FSTL4: variants seen among roughly 807,000 people sequenced by gnomAD.
FSTL4 encodes the protein follistatin-related protein 4.
A neutral mutation model predicts 78.2 loss-of-function variants in FSTL4; 28 were observed. The ratio of observed to expected loss-of-function variants is 0.36; its 90% confidence interval spans 0.27 to 0.49. FSTL4 has a LOEUF of 0.49. Among genes scored for constraint, FSTL4 ranks in the 20% least tolerant of loss-of-function variants. The pLI, the probability that FSTL4 is intolerant of heterozygous loss-of-function variation, is 0.98. For missense variants in FSTL4, 922 were observed against 1,084.9 expected (o/e 0.85, Z 2.11); for synonymous variants, 422 against 440.5 (o/e 0.96, Z 0.53).
chr5:133,755,509 C>A, the FSTL4 span, among the ~76,000 whole-genome samples: 1 of 152,120 alleles, frequency 6.6e-6, no homozygotes, highest in African/African-American at 2.4e-5. Context: ...ACCCTCACAT[C>A]CTCTCCTCCC....
the FSTL4 span, among the ~76,000 whole-genome samples, chr5:133,742,049 G>A: frequency 1.2e-4 from 19 of 152,218 alleles, no homozygotes; most frequent in African/African-American, 3.9e-4. Flanking sequence ...AAATGCAAAC[G>A]TGGCATTTAG....
At chr5:133,521,356 C>A (rs1337441374) in intron 3 of FSTL4, among the ~76,000 whole-genome samples, 8 of 152,194 alleles carry the variant, frequency 5.3e-5, no homozygotes, top group Non-Finnish European at 1.0e-4. Context: ...TAATATGGAA[C>A]CAGTGATCAC....
chr5:133,199,224 C>T lies in FSTL4; in HGVS notation c.2400G>A (p.Leu800=). The T allele has an allele frequency of 1.9e-6, 3 of 1,613,570 alleles. No individual in the cohort carries two copies. Among genetic ancestry groups the T allele is most frequent in the Non-Finnish European group, 1.7e-6 (2 of 1,179,530 alleles). The change falls in exon 16 of 16, where the codon CTG becomes CTA. Residue 800 remains leucine, a synonymous_variant. Coordinates refer to ENST00000265342, the MANE Select transcript of FSTL4 (RefSeq NM_015082.2). The surrounding 1 kb of genome is among the most constrained non-coding windows in gnomAD (Gnocchi z 4.4). ...CTGGTGTGAGGAGGTACTGTCCAAA[C>T]AGCCCACTGTCCCTCATGATTCTGT... The part of the protein sequence containing the change: ...GTHRIMRDSG[L]FGQYLLTPAR...
the FSTL4 span, among the ~76,000 whole-genome samples, chr5:133,808,420 G>A: frequency 3.3e-5 from 5 of 152,328 alleles, no homozygotes; most frequent in South Asian, 2.1e-4. Context: ...GATGGTCCAA[G>A]CCAATTAACT....
rs190624475 is a variant in FSTL4 at position 133,499,951 on chromosome 5, C to T, written c.160+67235G>A. ...CTCTCATCTTTACCACTAGACCAGA[C>T]GGGCTGCAAACCATGCCGCATATTT... On this transcript the variant is annotated intron_variant, in intron 3 of 15. Transcript: ENST00000265342. Among the ~76,000 whole-genome samples, 9 of 152,288 alleles carry T rather than the reference C, an allele frequency of 5.9e-5. No homozygotes were observed. In the East Asian group the frequency reaches 9.6e-4, roughly 16 times the overall value.
intron 7 of FSTL4, chr5:133,246,611 T>A (rs1388617853): frequency 6.6e-6 from 1 of 152,154 alleles, no homozygotes; most frequent in Admixed American, 6.5e-5. Context: ...CCTCCCTGCG[T>A]GAGTCAAGGC....
chr5:133,512,031 T>G (rs1758744436), intron 3 of FSTL4, among the ~76,000 whole-genome samples: 1 of 152,224 alleles, frequency 6.6e-6, no homozygotes, highest in African/African-American at 2.4e-5. Flanking sequence ...GCTCCCTTAT[T>G]GCCCCTCATG....
the FSTL4 span, among the ~76,000 whole-genome samples, chr5:133,682,764 G>T: frequency 6.6e-6 from 1 of 152,192 alleles, no homozygotes; most frequent in African/African-American, 2.4e-5. Flanking sequence ...AGGATGCGGG[G>T]TACAAACTCC....
intron 3 of FSTL4, among the ~76,000 whole-genome samples, chr5:133,561,562 T>C (rs1440988935): frequency 6.6e-6 from 1 of 152,126 alleles, no homozygotes; most frequent in Non-Finnish European, 1.5e-5. Context: ...GAAGGCTACC[T>C]GGAAGAGGCC....
intron 3 of FSTL4, among the ~76,000 whole-genome samples, chr5:133,498,077 CT>C (rs1758408014): frequency 6.6e-6 from 1 of 151,738 alleles, no homozygotes; most frequent in Admixed American, 6.5e-5. Context: ...CCATAATATT[CT>C]TTAGCACCCC....
chr5:133,601,618 C>A (rs555868473), intron 2 of FSTL4, among the ~76,000 whole-genome samples: 5 of 151,952 alleles, frequency 3.3e-5, no homozygotes, highest in African/African-American at 1.2e-4. Flanking sequence ...GCAAACAAAC[C>A]GATTAAAATA....
the FSTL4 span, among the ~76,000 whole-genome samples, chr5:133,772,195 A>G: frequency 6.6e-6 from 1 of 152,356 alleles, no homozygotes; most frequent in African/African-American, 2.4e-5. Flanking sequence ...ATATAGTGAC[A>G]ATTATATCCA....
chr5:133,435,022 A>G (rs1176954777), intron 3 of FSTL4, among the ~76,000 whole-genome samples: 1 of 152,162 alleles, frequency 6.6e-6, no homozygotes, highest in Non-Finnish European at 1.5e-5. Context: ...AAAGTCATTC[A>G]TAACTCCAAC....
At chr5:133,299,891 C>CA (rs1270927089) in intron 6 of FSTL4, among the ~76,000 whole-genome samples, 26 of 152,334 alleles carry the variant, frequency 1.7e-4, no homozygotes, top group African/African-American at 5.8e-4. Context: ...ACAGGGCAGA[C>CA]ATCTGCATTT....
At position 133,367,087 on chromosome 5, in the gene FSTL4, G is replaced by A. The variant is rs531101707; in HGVS notation, c.409+33651C>T. On this transcript the variant is annotated intron_variant, in intron 4 of 15. Coordinates refer to ENST00000265342, the MANE Select transcript of FSTL4 (RefSeq NM_015082.2). ...TGACTCTGTTAGCTGCTTGGGGGCA[G>A]ACTTTGGTGGAAGACAGCTGTTCTT... is the stretch of plus-strand genomic sequence containing the variant. Among the ~76,000 whole-genome samples, 5 of 152,328 alleles carry A rather than the reference G, an allele frequency of 3.3e-5. No homozygotes were observed. The South Asian group carries it at 1.0e-3, about 32-fold the overall frequency.
chr5:133,665,965 T>C, the FSTL4 span, among the ~76,000 whole-genome samples: 5 of 152,160 alleles, frequency 3.3e-5, no homozygotes, highest in Non-Finnish European at 5.9e-5. Context: ...CCACTGGGGA[T>C]TGGCAGCTCA....
Position 133,225,260 on chromosome 5 carries a change from C to A in FSTL4, c.1202G>T (p.Ser401Ile). ...LLANGSELHI[S>I]SVRYEDTGAY... is the part of the protein sequence containing the mutation. The stretch of plus-strand genomic sequence containing the variant: ...CCCTGTGTCTTCATACCGAACACTG[C>A]TGATGTGGAGTTCGCTCCCATTGGC... The change falls in exon 10 of 16, where the codon AGC becomes ATC. Residue 401 changes from serine to isoleucine, a missense_variant. Ser to Ile is a moderately radical substitution (Grantham distance 142). Transcript: ENST00000265342. This position sits in a 1 kb window ranked among gnomAD's most constrained non-coding sequence, Gnocchi z 4.6. 6.2e-7 allele frequency: 1 copy of A among 1,614,204 alleles called. No individual in the cohort carries two copies. The highest frequency in any genetic ancestry group is 8.5e-7 in the Non-Finnish European group (1 of 1,180,028).
the FSTL4 span, among the ~76,000 whole-genome samples, chr5:133,734,825 G>A: frequency 5.9e-5 from 9 of 151,932 alleles, no homozygotes; most frequent in Admixed American, 3.3e-4. Context: ...CTGGTTATCC[G>A]TGTGTCAGAT....
chr5:133,250,982 G>A (rs965024805), intron 6 of FSTL4, among the ~76,000 whole-genome samples: 96 of 149,496 alleles, frequency 6.4e-4, no homozygotes, highest in African/African-American at 1.2e-3. Context: ...TGTGACTAAC[G>A]GTGAAGGAAC....
Sources: allele counts gnomAD v4.1 joint callset (sites outside exome capture counted in the v4.1 genomes callset), GRCh38; gene constraint gnomAD v4.1.1; non-coding constraint Gnocchi (gnomAD v3.1); transcripts MANE v1.5; gene names NCBI Gene and HGNC (gene_info 2026-07-23, HGNC 2026-07-21).